The following TTLL11 variants were observed in gnomAD, a reference collection of about 807,000 sequenced individuals.
TTLL11 encodes tubulin tyrosine ligase like 11, also known as tubulin polyglutamylase TTLL11.
TTLL11 carries 42 observed loss-of-function variants against 51.7 expected under a neutral mutation model. The observed-to-expected ratio is 0.81, with a 90% CI of 0.64 to 1.05. The LOEUF is 1.05. Among genes scored for constraint, TTLL11 ranks in the 50% least tolerant of loss-of-function variants. The pLI is 0.00. For synonymous variants in TTLL11, 381 were observed against 383.5 expected (o/e 0.99, Z 0.08); for missense variants, 799 against 940.4 (o/e 0.85, Z 1.97).
At chr9:122,019,712 G>C (rs1024795832) in intron 3 of TTLL11, among the ~76,000 whole-genome samples, 1 of 152,170 alleles carries the variant, frequency 6.6e-6, no homozygotes. Context: ...CAGCCTCCCA[G>C]AGTGCTGGGA....
At chr9:121,862,958 A>G (rs368564476) in intron 7 of TTLL11, among the ~76,000 whole-genome samples, 294 of 152,120 alleles carry the variant, frequency 1.9e-3, no homozygotes, top group African/African-American at 6.8e-3. Flanking sequence ...CCCTAATGAC[A>G]GTGGCTGGGC....
At chr9:122,091,135 G>A (rs191365832) in intron 1 of TTLL11, among the ~76,000 whole-genome samples, 4 of 152,196 alleles carry the variant, frequency 2.6e-5, no homozygotes, top group Non-Finnish European at 2.9e-5. Context: ...CCATCTCTCC[G>A]AGCAAACGAG....
At chr9:121,972,412 T>G (rs1279582134) in intron 6 of TTLL11, among the ~76,000 whole-genome samples, 2 of 152,194 alleles carry the variant, frequency 1.3e-5, no homozygotes, top group Non-Finnish European at 2.9e-5. Flanking sequence ...GGTGAACACA[T>G]TATTTGGCTG....
intron 6 of TTLL11, among the ~76,000 whole-genome samples, chr9:121,873,651 T>G (rs1403155249): frequency 6.6e-6 from 1 of 150,648 alleles, no homozygotes; most frequent in East Asian, 2.0e-4. Context: ...TCTCTTCTTC[T>G]TCTTCTTCTT....
At chr9:121,960,717 G>A (rs978358135) in intron 6 of TTLL11, among the ~76,000 whole-genome samples, 11 of 152,202 alleles carry the variant, frequency 7.2e-5, no homozygotes, top group African/African-American at 2.7e-4. Flanking sequence ...CTACGGTGCT[G>A]CAGAGGCATG....
At chr9:121,919,035 C>T (rs1316260405) in intron 6 of TTLL11, among the ~76,000 whole-genome samples, 1 of 152,184 alleles carries the variant, frequency 6.6e-6, no homozygotes, top group African/African-American at 2.4e-5. Context: ...GATTGGGTTA[C>T]CCCAGTATGT....
At chr9:121,826,273 C>T (rs1243966099) in intron 8 of TTLL11, among the ~76,000 whole-genome samples, 1 of 103,638 alleles carries the variant, frequency 9.6e-6, no homozygotes, top group Non-Finnish European at 1.8e-5. Flanking sequence ...GGGTAAAACC[C>T]ATATATATAT....
intron 1 of TTLL11, 65 bp from the exon 2 acceptor site, chr9:122,039,433 T>C (rs569361395): frequency 3.3e-5 from 43 of 1,317,386 alleles, no homozygotes; most frequent in Non-Finnish European, 4.2e-5. Context: ...TGAGTATCCA[T>C]TATGTACAAA....
At chr9:121,946,540 C>A (rs75845298) in intron 6 of TTLL11, among the ~76,000 whole-genome samples, 4,809 of 152,198 alleles carry the variant, frequency 0.032, 133 homozygotes, top group Non-Finnish European at 0.046. Context: ...CGAAAAAGTT[C>A]TTGTGCAAAA....
intron 6 of TTLL11, among the ~76,000 whole-genome samples, chr9:121,904,451 AGGC>A: frequency 6.6e-6 from 1 of 152,334 alleles, no homozygotes. Context: ...CTGGGATTAC[AGGC>A]GTGAGCCACC....
At chr9:121,840,991 A>G (rs1357961690) in intron 8 of TTLL11, among the ~76,000 whole-genome samples, 1 of 152,204 alleles carries the variant, frequency 6.6e-6, no homozygotes, top group Non-Finnish European at 1.5e-5. Context: ...CCAGCGAGCT[A>G]TGACGGCTGG....
At chr9:121,879,203 C>T (rs1345846389) in intron 6 of TTLL11, among the ~76,000 whole-genome samples, 3 of 152,156 alleles carry the variant, frequency 2.0e-5, no homozygotes, top group African/African-American at 4.8e-5. Context: ...TGTCTAGTCA[C>T]CAGCCCTCAG....
intron 3 of TTLL11, among the ~76,000 whole-genome samples, chr9:122,025,149 C>T (rs10123333): frequency 0.044 from 6,694 of 151,780 alleles, 173 homozygotes; most frequent in African/African-American, 0.074. Context: ...TAAAAATAAA[C>T]AACCCAATTA....
intron 8 of TTLL11, among the ~76,000 whole-genome samples, chr9:121,839,933 C>G (rs913681051): frequency 6.6e-6 from 1 of 152,130 alleles, no homozygotes; most frequent in Non-Finnish European, 1.5e-5. Context: ...AGATCAGTGT[C>G]AAAAATAAGA....
At chr9:121,849,276 C>T (rs6478533) in intron 8 of TTLL11, among the ~76,000 whole-genome samples, 2 of 152,096 alleles carry the variant, frequency 1.3e-5, no homozygotes, top group Admixed American at 6.5e-5. Flanking sequence ...CACAGACCTA[C>T]GTGTAAAATA....
chr9:122,005,407 A>G (rs970355491), intron 3 of TTLL11, among the ~76,000 whole-genome samples: 1 of 152,126 alleles, frequency 6.6e-6, no homozygotes, highest in African/African-American at 2.4e-5. Flanking sequence ...CATCTGTATG[A>G]ATAACCCCAT....
rs188989365 is a variant in TTLL11, at chr9:122,031,429, C to T, written c.693+294G>A. 7.2e-5 allele frequency among the ~76,000 whole-genome samples: 11 copies of T among 152,276 alleles called. No individual in the cohort carries two copies. The East Asian group carries it at 1.5e-3, about 21-fold the overall frequency. On this transcript the variant is annotated intron_variant, in intron 3 of 8. Coordinates refer to ENST00000321582, the MANE Select transcript of TTLL11 (RefSeq NM_001139442.2). ...TACTTGGGGGCCCAGCCACCTGCTCCGGCTCCAGCTCCCTGGCTCCCCAGC... is the reference window on the plus strand; with the variant it reads ...TACTTGGGGGCCCAGCCACCTGCTCTGGCTCCAGCTCCCTGGCTCCCCAGC...
intron 1 of TTLL11, among the ~76,000 whole-genome samples, chr9:122,054,147 T>C (rs1172752201): frequency 6.6e-6 from 1 of 152,150 alleles, no homozygotes; most frequent in East Asian, 1.9e-4. Flanking sequence ...TATTTTTTAT[T>C]AAATCCATTC....
chr9:121,881,583 T>C (rs1222214722), intron 6 of TTLL11, among the ~76,000 whole-genome samples: 1 of 152,108 alleles, frequency 6.6e-6, no homozygotes, highest in Non-Finnish European at 1.5e-5. Flanking sequence ...ATTCCCGCGG[T>C]ACAGGTGTTG....
Sources: gnomAD v4.1 joint callset for allele counts (sites outside exome capture counted in the v4.1 genomes callset) on GRCh38, gnomAD v4.1.1 for gene constraint, MANE v1.5 for transcripts, NCBI Gene and HGNC (gene_info 2026-07-23, HGNC 2026-07-21) for gene names.